GCA: variants seen among roughly 807,000 people sequenced by gnomAD.
The protein encoded by GCA is grancalcin, also known as grancalcin, EF-hand calcium-binding protein.
A neutral mutation model predicts 32.6 loss-of-function variants in GCA; 30 were observed. The observed-to-expected ratio is 0.92, with a 90% CI of 0.69 to 1.25. GCA has a LOEUF of 1.25. Ranked by LOEUF, GCA falls within the 50% of genes most tolerant of loss-of-function variation. GCA has a pLI of 0.00. For synonymous variants in GCA, 102 were observed against 84.6 expected, an observed-to-expected ratio of 1.21 and a Z score of -1.13; for missense variants, 291 against 266.8, an observed-to-expected ratio of 1.09 and a Z score of -0.63.
chr2:162,373,663 C>T, downstream of GCA: 1 of 1,481,134 alleles, frequency 6.8e-7, no homozygotes, highest in Non-Finnish European at 9.0e-7. Flanking sequence ...GGATTCAAGC[C>T]TACAGAACAG....
downstream of GCA, chr2:162,373,767 C>T: frequency 1.5e-6 from 1 of 660,568 alleles, no homozygotes; most frequent in Non-Finnish European, 2.3e-6. Flanking sequence ...TATGGCCTTG[C>T]TTTAAACAAG....
intron 1 of GCA, among the ~76,000 whole-genome samples, chr2:162,332,321 AAAT>A (rs1455563977): frequency 1.5e-4 from 21 of 137,700 alleles, no homozygotes; most frequent in African/African-American, 4.4e-4. Flanking sequence ...AAAAAAAAAA[AAAT>A]ATATATATAT....
chr2:162,327,667 G>T (rs1363937577), intron 1 of GCA, among the ~76,000 whole-genome samples: 1 of 152,170 alleles, frequency 6.6e-6, no homozygotes, highest in Non-Finnish European at 1.5e-5. Flanking sequence ...GCTGAGAGGG[G>T]AAAGGGTAAG....
downstream of GCA, among the ~76,000 whole-genome samples, chr2:162,367,423 T>C (rs1685787138): frequency 2.0e-5 from 3 of 151,982 alleles, no homozygotes; most frequent in South Asian, 6.2e-4. Context: ...ATATCATAGA[T>C]CTAAAGAAGG....
chr2:162,349,645 AAG>A (rs1255086557), intron 2 of GCA, among the ~76,000 whole-genome samples: 1 of 151,244 alleles, frequency 6.6e-6, no homozygotes, highest in Non-Finnish European at 1.5e-5. Flanking sequence ...GATTTGGAAA[AAG>A]AGATCTACAT....
At position 162,361,654 on chromosome 2, in the gene GCA, T is replaced by G; in HGVS notation, c.*1411T>G. On this transcript the variant is annotated 3_prime_UTR_variant, in exon 8 of 8. Coordinates refer to ENST00000437150, the MANE Select transcript of GCA (RefSeq NM_012198.5). ...CTTGACACTGATAATTTTATATAAT[T>G]TGCTGTCAAATTCACTTGGTCAGTT... The G allele has an allele frequency of 3.0e-6, 3 of 984,330 alleles. No homozygotes were observed. Among genetic ancestry groups the G allele is most frequent in the Non-Finnish European group, 3.6e-6 (3 of 829,112 alleles). 61.0% of individuals were successfully genotyped at this position (984,330 alleles called of 1,614,324 possible). A position where few individuals can be genotyped will look rare whatever the true frequency, so the allele number is the denominator to read the frequency against.
intron 5 of GCA, 156 bp downstream of exon 5, chr2:162,357,061 A>G (rs1006952328): frequency 3.9e-6 from 2 of 506,830 alleles, no homozygotes; most frequent in East Asian, 2.9e-5. Flanking sequence ...AATTCTGACC[A>G]AAGACCTCAA....
downstream of GCA, among the ~76,000 whole-genome samples, chr2:162,363,511 G>A (rs566655883): frequency 8.6e-5 from 13 of 151,300 alleles, no homozygotes; most frequent in South Asian, 2.1e-3. Flanking sequence ...AGTTATGAGT[G>A]CAGACAGGAT....
At chr2:162,365,337 C>G (rs1685717908), downstream of GCA, among the ~76,000 whole-genome samples, 1 of 151,460 alleles carries the variant, frequency 6.6e-6, no homozygotes, top group Admixed American at 6.6e-5. Context: ...GTACATTTTT[C>G]TTATTTACAG....
downstream of GCA, chr2:162,373,716 G>C: frequency 7.8e-7 from 1 of 1,286,192 alleles, no homozygotes; most frequent in East Asian, 2.8e-5. Context: ...CAGAATTTCA[G>C]GAGCATTTAA....
Position 162,361,982 on chromosome 2 carries a change from A to C in GCA, c.*1739A>C. On this transcript the variant is annotated 3_prime_UTR_variant, in exon 8 of 8. Transcript: ENST00000437150. ...CTTGGAGGCTCACAGTTGAGGTAAA[A>C]CTTTTAAAATGACAAATGGTATTAT... 1 of 983,664 alleles carries C rather than the reference A, an allele frequency of 1.0e-6. No homozygotes were observed. Among genetic ancestry groups the C allele is most frequent in the Non-Finnish European group, 1.2e-6 (1 of 828,534 alleles). The allele number at this position is 983,664 out of a possible 1,614,324, so 60.9% of individuals were successfully genotyped here.
At chr2:162,374,502 A>G (rs966846708), downstream of GCA, among the ~76,000 whole-genome samples, 1 of 152,194 alleles carries the variant, frequency 6.6e-6, no homozygotes, top group Non-Finnish European at 1.5e-5. Flanking sequence ...TTTGGACCAT[A>G]TGCCTCTTTA....
At chr2:162,373,213 T>G (rs534502716), downstream of GCA, among the ~76,000 whole-genome samples, 1 of 152,160 alleles carries the variant, frequency 6.6e-6, no homozygotes, top group Non-Finnish European at 1.5e-5. Context: ...AGAAAGGTTT[T>G]CCTTTTAAAA....
chr2:162,353,995 C>T (rs1685131281), intron 3 of GCA, among the ~76,000 whole-genome samples: 1 of 151,948 alleles, frequency 6.6e-6, no homozygotes, highest in Non-Finnish European at 1.5e-5. Flanking sequence ...TATCCAAGAG[C>T]TTCTGTTCTA....
chr2:162,368,390 A>G (rs553344733), intron 4 of GCA, among the ~76,000 whole-genome samples: 4 of 152,008 alleles, frequency 2.6e-5, no homozygotes, highest in Non-Finnish European at 5.9e-5. Context: ...CTGTTATGCA[A>G]TTCATTTCTA....
At chr2:162,320,320 C>A (rs1349318958) in intron 1 of GCA, among the ~76,000 whole-genome samples, 3 of 152,192 alleles carry the variant, frequency 2.0e-5, no homozygotes, top group African/African-American at 4.8e-5. Context: ...CAAAAGCACT[C>A]AAATTATTAA....
At chr2:162,368,152 A>G (rs1170141082) in intron 4 of GCA, among the ~76,000 whole-genome samples, 1 of 151,990 alleles carries the variant, frequency 6.6e-6, no homozygotes, top group Non-Finnish European at 1.5e-5. Context: ...CCAAGTCTCC[A>G]GGTGATGCTA....
chr2:162,321,474 G>A (rs12468353), intron 1 of GCA, among the ~76,000 whole-genome samples: 13,930 of 152,014 alleles, frequency 0.092, 1,400 homozygotes, highest in Admixed American at 0.23. Context: ...AGTTTAGTGA[G>A]AAACCCTGGA....
In GCA at chr2:162,368,748, A is replaced by G. The variant is rs970965808; in HGVS notation, c.366-2558A>G. Among the ~76,000 whole-genome samples, 17 of 152,140 alleles carry G rather than the reference A, an allele frequency of 1.1e-4. No homozygotes were observed. The East Asian group carries it at 1.9e-3, about 17-fold the overall frequency. ...ATAGTTGTGCTCTGATGACCAATAC[A>G]TTATAATGGACTTAAGAAACTATTC... is the stretch of plus-strand genomic sequence containing the variant. On this transcript the variant is annotated intron_variant, in intron 4 of 4. Transcript: ENST00000414723.
Sources: gnomAD v4.1 joint callset for allele counts (sites outside exome capture counted in the v4.1 genomes callset) on GRCh38, gnomAD v4.1.1 for gene constraint, MANE v1.5 for transcripts, NCBI Gene and HGNC (gene_info 2026-07-23, HGNC 2026-07-21) for gene names.